SLC38A6: variants seen among roughly 807,000 people sequenced by gnomAD.
The protein encoded by SLC38A6 is solute carrier family 38 member 6, also known as N system amino acid transporter NAT-1.
In SLC38A6, 73 loss-of-function variants were observed where a neutral mutation model predicts 65.0. The ratio of observed to expected loss-of-function variants is 1.12; its 90% CI spans 0.93 to 1.37. The LOEUF is 1.37. Ranked by LOEUF, SLC38A6 falls within the 40% of genes most tolerant of loss-of-function variation. The probability of loss-of-function intolerance (pLI) is 0.00; values close to 1 mark genes in which losing one functional copy is unlikely to be tolerated. For synonymous variants in SLC38A6, 183 were observed against 178.8 expected (o/e 1.02, Z -0.19); for missense variants, 561 against 531.1 (o/e 1.06, Z -0.55).
intron 16 of SLC38A6, among the ~76,000 whole-genome samples, chr14:61,082,019 C>G (rs1290647560): frequency 6.6e-6 from 1 of 152,124 alleles, no homozygotes. Context: ...TGTAGTGCCT[C>G]GTGTTTATGT....
intron 15 of SLC38A6, among the ~76,000 whole-genome samples, chr14:61,073,051 A>G (rs1178141666): frequency 6.6e-6 from 1 of 151,972 alleles, no homozygotes; most frequent in Non-Finnish European, 1.5e-5. Context: ...GGCATTTATT[A>G]TTATCTGTAT....
At chr14:61,003,938 T>C (rs2038891210) in intron 3 of SLC38A6, among the ~76,000 whole-genome samples, 1 of 152,170 alleles carries the variant, frequency 6.6e-6, no homozygotes, top group Admixed American at 6.5e-5. Context: ...TAATGGTTTT[T>C]TCTTCTCAAT....
chr14:61,081,016 T>C (rs1321851231), intron 16 of SLC38A6, among the ~76,000 whole-genome samples: 1 of 152,198 alleles, frequency 6.6e-6, no homozygotes. Flanking sequence ...GGATTTCGGT[T>C]TTCTGGCATG....
At chr14:61,051,456 T>A (rs1398497709) in intron 13 of SLC38A6, among the ~76,000 whole-genome samples, 1 of 152,210 alleles carries the variant, frequency 6.6e-6, no homozygotes, top group Non-Finnish European at 1.5e-5. Flanking sequence ...TCTGTTTTTT[T>A]AATCTGTTGC....
At chr14:61,019,971 G>A (rs1271293316) in intron 5 of SLC38A6, among the ~76,000 whole-genome samples, 1 of 152,138 alleles carries the variant, frequency 6.6e-6, no homozygotes, top group Non-Finnish European at 1.5e-5. Context: ...TCCGTGGGCT[G>A]TGAACAAGCA....
intron 3 of SLC38A6, among the ~76,000 whole-genome samples, chr14:61,000,600 C>G (rs940324782): frequency 6.6e-6 from 1 of 152,148 alleles, no homozygotes; most frequent in African/African-American, 2.4e-5. Context: ...CCACTGCATT[C>G]CAGCCTGGGC....
chr14:61,049,467 C>T (rs2042373726), intron 12 of SLC38A6, among the ~76,000 whole-genome samples: 1 of 152,134 alleles, frequency 6.6e-6, no homozygotes, highest in African/African-American at 2.4e-5. Context: ...TAGTATATGG[C>T]CATCCCCATT....
At chr14:61,047,441 A>G (rs978510155) in intron 12 of SLC38A6, among the ~76,000 whole-genome samples, 33 of 152,280 alleles carry the variant, frequency 2.2e-4, no homozygotes, top group African/African-American at 7.2e-4. Flanking sequence ...AGCTCAGTGT[A>G]GGTTCATTTA....
chr14:60,982,486 T>C (rs1372891570), intron 1 of SLC38A6, 22 bp from the exon 2 acceptor site: 13 of 1,600,516 alleles, frequency 8.1e-6, no homozygotes, highest in Admixed American at 5.3e-5. Flanking sequence ...CATTTAACAC[T>C]ACTAAATTTG....
At chr14:61,047,974 GATACATAC>G (rs201975441) in intron 12 of SLC38A6, among the ~76,000 whole-genome samples, 6,893 of 76,796 alleles carry the variant, frequency 0.09, 201 homozygotes, top group Admixed American at 0.12. Flanking sequence ...TAGATAGATA[GATACATAC>G]ATACATACAT....
chr14:61,046,454 A>G (rs549920996), intron 12 of SLC38A6, among the ~76,000 whole-genome samples: 1 of 152,362 alleles, frequency 6.6e-6, no homozygotes, highest in Non-Finnish European at 1.5e-5. Flanking sequence ...AAAATGTGCA[A>G]TTTTAATGAT....
intron 2 of SLC38A6, among the ~76,000 whole-genome samples, chr14:60,983,144 T>C (rs1001471385): frequency 1.3e-5 from 2 of 152,218 alleles, no homozygotes; most frequent in African/African-American, 2.4e-5. Context: ...CAATCCTGGA[T>C]ATTCTGTGCT....
intron 3 of SLC38A6, chr14:61,002,336 C>T (rs1420438630): frequency 2.1e-5 from 3 of 145,242 alleles, no homozygotes; most frequent in Non-Finnish European, 4.6e-5. Context: ...GCAAATAATA[C>T]AAAAAAAAAA....
intron 15 of SLC38A6, among the ~76,000 whole-genome samples, chr14:61,072,340 G>T (rs1278095001): frequency 6.6e-6 from 1 of 152,052 alleles, no homozygotes; most frequent in Non-Finnish European, 1.5e-5. Context: ...ATGGAGAATG[G>T]GGTATCCATC....
intron 12 of SLC38A6, chr14:61,048,415 A>G: frequency 3.9e-6 from 1 of 253,574 alleles, no homozygotes; most frequent in Non-Finnish European, 7.8e-6. Context: ...CTTCAATGGC[A>G]TATATAACTT....
intron 3 of SLC38A6, among the ~76,000 whole-genome samples, chr14:61,000,396 A>G (rs558791892): frequency 2.6e-5 from 4 of 152,326 alleles, no homozygotes; most frequent in Middle Eastern, 3.4e-3. Flanking sequence ...TTGGGAGGAC[A>G]AGGCAGGTGG....
chr14:61,024,566 A>C (rs1326844196), intron 5 of SLC38A6, among the ~76,000 whole-genome samples: 6 of 152,226 alleles, frequency 3.9e-5, no homozygotes, highest in Non-Finnish European at 8.8e-5. Flanking sequence ...TAAAGATAAA[A>C]GATTAATAAC....
At position 61,052,402 on chromosome 14, in the gene SLC38A6, C is replaced by T. The variant is rs2042560608; in HGVS notation, c.1344C>T (p.Leu448=). ...TGGTTGGGAATTTTAGTTTAGCACT[C>T]ATCATTTTTGATTGGATTAATAAAT... ...GILVGNFSLA[L]IIFDWINK The change falls in exon 16 of 16, where the codon CTC becomes CTT. Residue 448 remains leucine (L), a synonymous_variant. Coordinates refer to ENST00000267488, the MANE Select transcript of SLC38A6 (RefSeq NM_153811.3). 3 of 1,576,492 alleles carry T rather than the reference C, an allele frequency of 1.9e-6. No homozygotes were observed. The highest frequency in any genetic ancestry group is 2.6e-6 in the Non-Finnish European group (3 of 1,164,066).
At chr14:61,072,826 A>C (rs770267138) in intron 15 of SLC38A6, among the ~76,000 whole-genome samples, 2 of 152,178 alleles carry the variant, frequency 1.3e-5, no homozygotes, top group Non-Finnish European at 2.9e-5. Flanking sequence ...TATGAACAGT[A>C]CTGCAACAAA....
Sources: allele counts gnomAD v4.1 joint callset (sites outside exome capture counted in the v4.1 genomes callset), GRCh38; gene constraint gnomAD v4.1.1; transcripts MANE v1.5; gene names NCBI Gene and HGNC (gene_info 2026-07-23, HGNC 2026-07-21).